TCF7: variants seen among roughly 807,000 people sequenced by gnomAD.
TCF7 encodes the protein T-cell-factor-7.
Under a neutral mutation model 46.8 loss-of-function variants are expected in TCF7, and 19 were observed. That is an observed-to-expected ratio of 0.41 (90% CI 0.28 to 0.60). The LOEUF is 0.60. Among genes scored for constraint, TCF7 ranks in the 20% least tolerant of loss-of-function variants. The pLI, the probability that TCF7 is intolerant of heterozygous loss-of-function variation, is 0.35. For synonymous variants in TCF7, 245 were observed against 213.4 expected (o/e 1.15, Z -1.29); for missense variants, 547 against 504.6 (o/e 1.08, Z -0.81).
intron 5 of TCF7, chr5:134,139,897 G>A (rs1471901392): frequency 6.6e-6 from 1 of 152,220 alleles, no homozygotes; most frequent in Non-Finnish European, 1.5e-5. Context: ...TACAAATTAA[G>A]ACTACTCCCA....
intron 9 of TCF7, chr5:134,144,431 T>G: frequency 3.8e-6 from 1 of 263,068 alleles, no homozygotes; most frequent in Non-Finnish European, 7.4e-6. Context: ...GGGGAGGAGG[T>G]GGGTGGCCCT....
chr5:134,134,728 ATGAGAC>A (rs1429650662), intron 3 of TCF7, among the ~76,000 whole-genome samples: 1 of 152,182 alleles, frequency 6.6e-6, no homozygotes, highest in Non-Finnish European at 1.5e-5. Context: ...CCAGAGAAGG[ATGAGAC>A]TGGCCCAGGA....
chr5:134,116,183 C>A (rs1561647566), intron 3 of TCF7, 150 bp downstream of exon 3: 2 of 1,410,866 alleles, frequency 1.4e-6, no homozygotes. Context: ...GGGATCTGAA[C>A]CAAAAGGAGA....
At chr5:134,130,155 G>A (rs539883362) in intron 3 of TCF7, among the ~76,000 whole-genome samples, 5 of 152,360 alleles carry the variant, frequency 3.3e-5, no homozygotes, top group Admixed American at 1.3e-4. Context: ...CCTGGCTGGC[G>A]CACTCAGCCC....
chr5:134,114,939 GGGC>G lies in TCF7; in HGVS notation c.41_43del (p.Gly14del). Reference sequence around the variant, plus strand: ...AGCTGGACTCCGGCGGGGGCGGCGCGGGCGGCGGCGACGACCTCGGCGCGCCGG... The same window carrying G: ...AGCTGGACTCCGGCGGGGGCGGCGCGGGCGGCGACGACCTCGGCGCGCCGG... On this transcript the variant is annotated inframe_deletion, in exon 1 of 10. Transcript: ENST00000342854. The G allele has an allele frequency of 1.8e-6, 2 of 1,106,016 alleles. No individual in the cohort carries two copies. Among genetic ancestry groups the G allele is most frequent in the African/African-American group, 1.7e-5 (1 of 59,306 alleles). The allele number at this position is 1,106,016 out of a possible 1,614,324, so 68.5% of individuals were successfully genotyped here.
chr5:134,115,899 G>GT lies in TCF7; in HGVS notation c.317-5dup. 1 of 1,613,888 alleles carries GT rather than the reference G, an allele frequency of 6.2e-7. No homozygotes were observed. The highest frequency in any genetic ancestry group is 8.5e-7 in the Non-Finnish European group (1 of 1,180,002). ...GGCTGGTGTGTCTGACCCAGCTGTG[G>GT]TTTTTCCAGGCCTGAAGGCCCCGGA... On this transcript the variant is annotated splice_polypyrimidine_tract_variant and intron_variant, in intron 2 of 9. Coordinates refer to ENST00000342854, the MANE Select transcript of TCF7 (RefSeq NM_003202.5).
At chr5:134,127,250 G>C (rs1040695617) in intron 3 of TCF7, among the ~76,000 whole-genome samples, 1 of 152,210 alleles carries the variant, frequency 6.6e-6, no homozygotes, top group African/African-American at 2.4e-5. Flanking sequence ...GCCTGGGTCA[G>C]GGATGACCCC....
intron 2 of TCF7, 141 bp downstream of exon 2, chr5:134,115,528 G>C (rs1755682739): frequency 2.1e-6 from 3 of 1,446,490 alleles, no homozygotes; most frequent in East Asian, 2.7e-5. Flanking sequence ...GTGGAGAGTG[G>C]GGGGCGGGCT....
In TCF7 at chr5:134,118,067, T is replaced by C. The variant is rs568895049; in HGVS notation, c.441+2034T>C. ...ACACATAGCAAGTCAGAGCATTTGC[T>C]TGCATTACCTGAAGACGTGTGGGCA... On this transcript the variant is annotated intron_variant, in intron 3 of 9. Transcript: ENST00000342854. Among the ~76,000 whole-genome samples the C allele has an allele frequency of 1.2e-4, 18 of 152,356 alleles. 1 individual carries two copies. Among genetic ancestry groups the C allele is most frequent in the South Asian group, 1.0e-3 (5 of 4,830 alleles).
chr5:134,129,740 G>C (rs1033203345), intron 3 of TCF7, among the ~76,000 whole-genome samples: 12 of 152,258 alleles, frequency 7.9e-5, no homozygotes, highest in Admixed American at 2.0e-4. Context: ...GTTGGGCCTA[G>C]AGCAGGCCTG....
intron 8 of TCF7, 35 bp downstream of exon 8, chr5:134,143,135 G>T: frequency 6.4e-7 from 1 of 1,567,066 alleles, no homozygotes; most frequent in Non-Finnish European, 8.7e-7. Flanking sequence ...GGGGTGGGCA[G>T]GGGACCCTTT....
intron 1 of TCF7, 37 bp downstream of exon 1, chr5:134,115,192 C>A: frequency 1.8e-6 from 2 of 1,089,414 alleles, no homozygotes; most frequent in South Asian, 4.4e-5. Flanking sequence ...CCCCCGCGGT[C>A]GCCGCGCCGC....
chr5:134,136,755 T>C (rs1477340236), intron 3 of TCF7, among the ~76,000 whole-genome samples: 1 of 152,170 alleles, frequency 6.6e-6, no homozygotes, highest in Non-Finnish European at 1.5e-5. Context: ...GAGAGATGCC[T>C]GAAGCTCTTA....
At chr5:134,142,905 C>T in intron 7 of TCF7, 22 bp downstream of exon 7, 1 of 1,611,076 alleles carries the variant, frequency 6.2e-7, no homozygotes, top group Non-Finnish European at 8.5e-7. Context: ...GGCAGGTGGG[C>T]TGGCAGGGAT....
chr5:134,145,825 T>TG, intron 9 of TCF7: 5 of 1,612,834 alleles, frequency 3.1e-6, no homozygotes, highest in Non-Finnish European at 3.4e-6. Context: ...GCTTGAGGAC[T>TG]GGGATGGCTG....
At chr5:134,139,069 C>T (rs911033326) in intron 5 of TCF7, 31 bp downstream of exon 5, 18 of 1,611,506 alleles carry the variant, frequency 1.1e-5, no homozygotes, top group Admixed American at 6.7e-5. Context: ...AAAGGGGTAC[C>T]GTGTGCTGGT....
intron 3 of TCF7, among the ~76,000 whole-genome samples, chr5:134,135,889 GC>G: frequency 6.6e-6 from 1 of 152,336 alleles, no homozygotes; most frequent in Middle Eastern, 3.4e-3. Context: ...CATTCTGCAA[GC>G]CAAGTGAAGA....
Position 134,147,592 on chromosome 5 carries a change from C to G in TCF7, c.*1289C>G, listed in dbSNP as rs890051268. ...GACAACAGGTTTTCACCATAGCCTA[C>G]GTTAACCCATTTTTGAGCCAAGCTT... On this transcript the variant is annotated 3_prime_UTR_variant, in exon 10 of 10. Transcript: ENST00000342854. 6.6e-6 allele frequency: 1 copy of G among 152,612 alleles called. No individual in the cohort carries two copies. Among genetic ancestry groups the G allele is most frequent in the South Asian group, 2.1e-4 (1 of 4,832 alleles). 9.5% of individuals were successfully genotyped at this position (152,612 alleles called of 1,614,324 possible).
intron 9 of TCF7, 128 bp downstream of exon 9, chr5:134,143,768 A>G (rs1760256854): frequency 2.9e-6 from 3 of 1,017,160 alleles, no homozygotes; most frequent in Non-Finnish European, 4.3e-6. Flanking sequence ...GGCCTATGAA[A>G]ACAAGGCCTG....
Sources: gnomAD v4.1 joint callset for allele counts (sites outside exome capture counted in the v4.1 genomes callset) on GRCh38, gnomAD v4.1.1 for gene constraint, MANE v1.5 for transcripts, NCBI Gene and HGNC (gene_info 2026-07-23, HGNC 2026-07-21) for gene names.